The following LRMDA variants were observed in gnomAD, a reference collection of about 807,000 sequenced individuals.
LRMDA encodes the protein leucine-rich melanocyte differentiation-associated protein.
LRMDA carries 18 observed loss-of-function variants against 29.8 expected under a neutral mutation model. The observed-to-expected ratio is 0.60, with a 90% CI of 0.42 to 0.90. The LOEUF (loss-of-function observed/expected upper bound fraction) is 0.90, where lower values mean the gene tolerates loss of function less well. Ranked by LOEUF, LRMDA falls within the 40% of genes least tolerant of loss-of-function variation. The pLI is 0.00. For missense variants in LRMDA, 273 were observed against 273.9 expected (o/e 1.00, Z 0.02); for synonymous variants, 125 against 109.4 (o/e 1.14, Z -0.89).
chr10:76,344,425 T>C (rs1184317360), intron 6 of LRMDA, among the ~76,000 whole-genome samples: 1 of 152,170 alleles, frequency 6.6e-6, no homozygotes, highest in Non-Finnish European at 1.5e-5. Context: ...ATTCGTATTA[T>C]TTTTAAGGAA....
intron 2 of LRMDA, among the ~76,000 whole-genome samples, chr10:75,698,389 T>C (rs761842718): frequency 8.5e-5 from 13 of 152,230 alleles, no homozygotes; most frequent in Non-Finnish European, 1.5e-4. Context: ...GAGGAACTTG[T>C]ACCCAGGGAA....
chr10:75,975,840 C>A (rs915522149), intron 2 of LRMDA, among the ~76,000 whole-genome samples: 1 of 152,188 alleles, frequency 6.6e-6, no homozygotes, highest in African/African-American at 2.4e-5. Flanking sequence ...CCTTCACCAC[C>A]GTTTCCAATT....
At chr10:75,577,911 C>T (rs190391087) in intron 2 of LRMDA, among the ~76,000 whole-genome samples, 1 of 150,750 alleles carries the variant, frequency 6.6e-6, no homozygotes, top group African/African-American at 2.5e-5. Flanking sequence ...AAAGGATCAA[C>T]TAGTACCAGC....
chr10:75,673,807 A>G (rs1841929076), intron 2 of LRMDA, among the ~76,000 whole-genome samples: 1 of 152,196 alleles, frequency 6.6e-6, no homozygotes, highest in Non-Finnish European at 1.5e-5. Flanking sequence ...CACCCTTTAT[A>G]TAGCCCTTCT....
chr10:75,830,246 C>T (rs1261529477), intron 2 of LRMDA, among the ~76,000 whole-genome samples: 4 of 152,158 alleles, frequency 2.6e-5, no homozygotes, highest in Admixed American at 6.5e-5. Context: ...ATGGTCATTT[C>T]GCATTATTCT....
chr10:76,489,724 C>A (rs549992856), intron 6 of LRMDA, among the ~76,000 whole-genome samples: 98 of 151,896 alleles, frequency 6.5e-4, no homozygotes, highest in African/African-American at 2.3e-3. Flanking sequence ...TCAGTCATTT[C>A]AAAAAATATT....
chr10:75,670,220 C>T (rs901266181), intron 2 of LRMDA, among the ~76,000 whole-genome samples: 8 of 152,204 alleles, frequency 5.3e-5, no homozygotes, highest in African/African-American at 1.9e-4. Context: ...ACGAAATCTC[C>T]TTCATTAGCA....
intron 2 of LRMDA, among the ~76,000 whole-genome samples, chr10:75,926,522 G>T (rs754456797): frequency 6.6e-6 from 1 of 152,178 alleles, no homozygotes; most frequent in South Asian, 2.1e-4. Flanking sequence ...TGGAGAAGCC[G>T]GGTGGCAGCC....
intron 5 of LRMDA, among the ~76,000 whole-genome samples, chr10:76,121,007 A>G (rs1017254140): frequency 2.6e-5 from 4 of 151,712 alleles, no homozygotes; most frequent in African/African-American, 9.7e-5. Context: ...TAATTTTTGT[A>G]TTTTTAGTGG....
intron 5 of LRMDA, among the ~76,000 whole-genome samples, chr10:76,141,884 T>C (rs1027135101): frequency 6.6e-5 from 10 of 152,132 alleles, no homozygotes; most frequent in Admixed American, 2.0e-4. Flanking sequence ...CTCGTTTTAA[T>C]TGTTTTGTGC....
intron 2 of LRMDA, among the ~76,000 whole-genome samples, chr10:75,646,569 C>T (rs993175842): frequency 2.0e-5 from 3 of 152,192 alleles, no homozygotes; most frequent in Non-Finnish European, 4.4e-5. Context: ...CTTTTGCAAT[C>T]TGATATCTTT....
At chr10:76,421,097 G>C (rs148154814) in intron 6 of LRMDA, among the ~76,000 whole-genome samples, 14 of 152,046 alleles carry the variant, frequency 9.2e-5, no homozygotes, top group Admixed American at 3.3e-4. Context: ...TTTGTTATCT[G>C]CTTCTTTTAC....
chr10:76,390,331 G>A (rs1159310143), intron 6 of LRMDA, among the ~76,000 whole-genome samples: 1 of 152,038 alleles, frequency 6.6e-6, no homozygotes, highest in Non-Finnish European at 1.5e-5. Context: ...GATCCCTCTG[G>A]GGAGAAGTAA....
chr10:76,509,491 A>G (rs1842988313), intron 6 of LRMDA, among the ~76,000 whole-genome samples: 1 of 152,220 alleles, frequency 6.6e-6, no homozygotes, highest in African/African-American at 2.4e-5. Flanking sequence ...AACATAGAAG[A>G]CTGGGTGTAC....
chr10:76,149,612 A>G (rs1350922578), intron 5 of LRMDA, among the ~76,000 whole-genome samples: 4 of 152,192 alleles, frequency 2.6e-5, no homozygotes, highest in African/African-American at 7.2e-5. Flanking sequence ...ATAAAAGCCT[A>G]CAAATTTTGG....
chr10:76,391,407 G>A (rs1589163424), intron 6 of LRMDA, among the ~76,000 whole-genome samples: 1 of 152,306 alleles, frequency 6.6e-6, no homozygotes, highest in East Asian at 1.9e-4. Context: ...AGGGATCTCA[G>A]TGTTGCTGCC....
intron 6 of LRMDA, among the ~76,000 whole-genome samples, chr10:76,433,012 AG>A (rs1325071723): frequency 6.6e-6 from 1 of 152,168 alleles, no homozygotes; most frequent in Non-Finnish European, 1.5e-5. Flanking sequence ...ATGAATTGGG[AG>A]GGGAGGGAAT....
intron 6 of LRMDA, among the ~76,000 whole-genome samples, chr10:76,445,002 G>A (rs11812165): frequency 0.083 from 12,571 of 151,796 alleles, 726 homozygotes; most frequent in African/African-American, 0.16. Flanking sequence ...TATTCCCATC[G>A]TATGTGCATG....
chr10:75,940,248 G>T (rs149015904), intron 2 of LRMDA, among the ~76,000 whole-genome samples: 1,937 of 152,184 alleles, frequency 0.013, 44 homozygotes, highest in African/African-American at 0.043. Context: ...GCATTATTGG[G>T]GCAGTAAGCG....
Sources: allele counts gnomAD v4.1 joint callset (sites outside exome capture counted in the v4.1 genomes callset), GRCh38; gene constraint gnomAD v4.1.1; transcripts MANE v1.5; gene names NCBI Gene and HGNC (gene_info 2026-07-23, HGNC 2026-07-21).